Variants in MAP4K4 observed in about 807,000 individuals in gnomAD.
The protein encoded by MAP4K4 is HPK/GCK-like kinase HGK.
In MAP4K4, 38 loss-of-function variants were observed where a neutral mutation model predicts 189.6. The ratio of observed to expected loss-of-function variants is 0.20; its 90% CI spans 0.15 to 0.26. The LOEUF is 0.26. Ranked by LOEUF, MAP4K4 falls within the 10% of genes least tolerant of loss-of-function variation. The probability of loss-of-function intolerance (pLI) is 1.00; values close to 1 mark genes in which losing one functional copy is unlikely to be tolerated. For synonymous variants in MAP4K4, 610 were observed against 624.3 expected (o/e 0.98, Z 0.34); for missense variants, 1,054 against 1,726.9 (o/e 0.61, Z 6.91).
chr2:101,798,704 A>G lies in MAP4K4; in HGVS notation c.180+7928A>G, dbSNP rs1202690537. On this transcript the variant is annotated intron_variant, in intron 3 of 32. Transcript: ENST00000324219. ...TGCTATATAAGTAGTAGACACTCAA[A>G]TATTTGATGAATTAAATAGGGTGTT... is the stretch of plus-strand genomic sequence containing the variant. 2.6e-5 allele frequency among the ~76,000 whole-genome samples: 4 copies of G among 152,364 alleles called. No individual in the cohort carries two copies. In the East Asian group the frequency reaches 7.7e-4, roughly 29 times the overall value.
At chr2:101,846,043 G>A (rs1301958498) in intron 12 of MAP4K4, among the ~76,000 whole-genome samples, 1 of 152,142 alleles carries the variant, frequency 6.6e-6, no homozygotes, top group Non-Finnish European at 1.5e-5. Context: ...TTTGCCGCTT[G>A]TTTAGAAAAA....
chr2:101,894,268 A>G (rs950380159), exon 33 of MAP4K4: 14 of 151,590 alleles, frequency 9.2e-5, no homozygotes, highest in Non-Finnish European at 2.1e-4. Flanking sequence ...AGGTTTAGTC[A>G]GAGCTTTCAC....
exon 28 of MAP4K4, chr2:101,882,622 G>A: frequency 6.2e-7 from 1 of 1,612,450 alleles, no homozygotes; most frequent in African/African-American, 1.3e-5. Flanking sequence ...TGATCCAGAA[G>A]TTGAGAAGAA....
intron 3 of MAP4K4, among the ~76,000 whole-genome samples, chr2:101,802,345 A>G (rs2094450323): frequency 6.6e-6 from 1 of 152,182 alleles, no homozygotes; most frequent in Middle Eastern, 3.2e-3. Context: ...TTGGGAAACA[A>G]AGTCAGAATA....
chr2:101,887,722 A>C, intron 30 of MAP4K4, 56 bp from the exon 31 acceptor site: 2 of 1,453,346 alleles, frequency 1.4e-6, no homozygotes, highest in Non-Finnish European at 1.9e-6. Context: ...GAGCACTTGC[A>C]CAGGGCTGGA....
chr2:101,762,303 A>G (rs1159723279), intron 2 of MAP4K4, among the ~76,000 whole-genome samples: 1 of 152,208 alleles, frequency 6.6e-6, no homozygotes, highest in Non-Finnish European at 1.5e-5. Flanking sequence ...TAAGATGCTT[A>G]ATCGACCCTT....
intron 2 of MAP4K4, among the ~76,000 whole-genome samples, chr2:101,747,450 T>A (rs186438551): frequency 8.5e-5 from 13 of 152,260 alleles, no homozygotes; most frequent in Admixed American, 7.8e-4. Flanking sequence ...GAATGGTGTA[T>A]ATTTCTTTTA....
At chr2:101,769,953 A>G (rs751846019) in intron 2 of MAP4K4, among the ~76,000 whole-genome samples, 2 of 152,178 alleles carry the variant, frequency 1.3e-5, no homozygotes, top group Non-Finnish European at 2.9e-5. Flanking sequence ...TCTGGAGGGA[A>G]ATCGGAGACA....
intron 3 of MAP4K4, among the ~76,000 whole-genome samples, chr2:101,805,072 C>CAAAAAA (rs36081384): frequency 3.0e-3 from 170 of 56,006 alleles, no homozygotes; most frequent in Middle Eastern, 0.011. Flanking sequence ...GACTCCAGAT[C>CAAAAAA]AAAAAAAAAA....
intron 3 of MAP4K4, among the ~76,000 whole-genome samples, chr2:101,802,436 A>G (rs541998072): frequency 9.5e-4 from 144 of 152,088 alleles, no homozygotes; most frequent in African/African-American, 3.4e-3. Flanking sequence ...GCCCTACTTG[A>G]TTGGCCTCCC....
At chr2:101,870,273 C>A in intron 22 of MAP4K4, 22 bp from the exon 23 acceptor site, 1 of 1,609,802 alleles carries the variant, frequency 6.2e-7, no homozygotes, top group Non-Finnish European at 8.5e-7. Flanking sequence ...AGGCCTTTCA[C>A]GTCTGGATTT....
chr2:101,707,369 C>T (rs762365078), intron 2 of MAP4K4, among the ~76,000 whole-genome samples: 2 of 151,860 alleles, frequency 1.3e-5, no homozygotes, highest in African/African-American at 2.4e-5. Context: ...CCACCATGCT[C>T]GGCTAATATT....
At chr2:101,743,425 T>C (rs1019801730) in intron 2 of MAP4K4, among the ~76,000 whole-genome samples, 9 of 151,492 alleles carry the variant, frequency 5.9e-5, no homozygotes, top group Admixed American at 3.3e-4. Flanking sequence ...TTGGATCCAG[T>C]GTTTGTTAAG....
chr2:101,713,147 C>A (rs2046523703), intron 2 of MAP4K4, among the ~76,000 whole-genome samples: 1 of 151,040 alleles, frequency 6.6e-6, no homozygotes, highest in South Asian at 2.1e-4. Context: ...TCAGGTGATC[C>A]ACCCACCTCC....
intron 2 of MAP4K4, among the ~76,000 whole-genome samples, chr2:101,760,304 C>T (rs890076892): frequency 1.3e-5 from 2 of 151,782 alleles, no homozygotes; most frequent in Non-Finnish European, 2.9e-5. Flanking sequence ...TCTTGGCCAA[C>T]ATGGTAAAAC....
chr2:101,722,244 T>C (rs904375047), intron 2 of MAP4K4, among the ~76,000 whole-genome samples: 5 of 152,220 alleles, frequency 3.3e-5, no homozygotes, highest in African/African-American at 1.2e-4. Context: ...GGATTGGGTA[T>C]TGGGGTTTTC....
At chr2:101,718,009 C>G (rs910881074) in intron 2 of MAP4K4, among the ~76,000 whole-genome samples, 1 of 151,846 alleles carries the variant, frequency 6.6e-6, no homozygotes. Flanking sequence ...GTAATCCCAG[C>G]ACTTTGGGAG....
At chr2:101,704,523 G>A (rs1218363357) in intron 2 of MAP4K4, among the ~76,000 whole-genome samples, 1 of 16,322 alleles carries the variant, frequency 6.1e-5, no homozygotes, top group African/African-American at 2.8e-4. Flanking sequence ...AATATTTTAT[G>A]TGTGTGTGTG....
chr2:101,859,605 T>C, intron 14 of MAP4K4, 38 bp from the exon 15 acceptor site: 3 of 1,442,232 alleles, frequency 2.1e-6, no homozygotes, highest in Non-Finnish European at 2.9e-6. Context: ...AGCTCTCCAG[T>C]GTCCCATAGA....
Sources: allele counts gnomAD v4.1 joint callset (sites outside exome capture counted in the v4.1 genomes callset), GRCh38; gene constraint gnomAD v4.1.1; transcripts MANE v1.5; gene names NCBI Gene and HGNC (gene_info 2026-07-23, HGNC 2026-07-21).